The following XPR1 variants were observed in gnomAD, a reference collection of about 807,000 sequenced individuals.
XPR1 encodes the protein xenotropic and polytropic retrovirus receptor 1, also known as solute carrier family 53 member 1.
Under a neutral mutation model 87.5 loss-of-function variants are expected in XPR1, and 28 were observed. The ratio of observed to expected loss-of-function variants is 0.32; its 90% CI spans 0.24 to 0.44. The LOEUF (loss-of-function observed/expected upper bound fraction) is 0.44. XPR1 is among the 20% of genes least tolerant of loss of function. XPR1 has a pLI of 1.00. For synonymous variants in XPR1, 300 were observed against 306.1 expected, an observed-to-expected ratio of 0.98 and a Z score of 0.21; for missense variants, 559 against 862.3, an observed-to-expected ratio of 0.65 and a Z score of 4.41.
intron 11 of XPR1, among the ~76,000 whole-genome samples, chr1:180,840,244 A>G (rs1322015762): frequency 6.6e-6 from 1 of 150,900 alleles, no homozygotes; most frequent in East Asian, 2.0e-4. Context: ...AAAAAAAAAA[A>G]AAAAAAGAAG....
chr1:180,834,463 A>C (rs1014565680), intron 9 of XPR1, among the ~76,000 whole-genome samples: 1 of 152,244 alleles, frequency 6.6e-6, no homozygotes, highest in Non-Finnish European at 1.5e-5. Flanking sequence ...AAAATGTGAG[A>C]TCAAAATCTT....
chr1:180,665,358 T>C (rs1361667710), intron 1 of XPR1, among the ~76,000 whole-genome samples: 2 of 152,096 alleles, frequency 1.3e-5, no homozygotes, highest in East Asian at 3.9e-4. Context: ...AGATGAGATT[T>C]TGGGTGGGGG....
At chr1:180,659,311 G>A (rs1301556544) in intron 1 of XPR1, among the ~76,000 whole-genome samples, 1 of 130,146 alleles carries the variant, frequency 7.7e-6, no homozygotes, top group Non-Finnish European at 1.6e-5. Context: ...AGGGATATTG[G>A]CCTGTAGTCT....
chr1:180,748,400 CTTTTTTTT>C (rs71297873), intron 2 of XPR1, among the ~76,000 whole-genome samples: 11 of 29,676 alleles, frequency 3.7e-4, no homozygotes, highest in East Asian at 3.2e-3. Context: ...TTATTTATGT[CTTTTTTTT>C]TTTTTTTTTT....
chr1:180,849,361 T>C (rs1651793591), intron 11 of XPR1, among the ~76,000 whole-genome samples: 2 of 152,204 alleles, frequency 1.3e-5, no homozygotes, highest in Admixed American at 6.5e-5. Flanking sequence ...AAAAGTTATT[T>C]CCTACAAGGC....
At chr1:180,780,061 A>G (rs1648878299) in intron 2 of XPR1, among the ~76,000 whole-genome samples, 1 of 152,144 alleles carries the variant, frequency 6.6e-6, no homozygotes, top group Admixed American at 6.5e-5. Flanking sequence ...CATTTTGTTT[A>G]TCCATTTATC....
At position 180,785,011 on chromosome 1, in the gene XPR1, T is replaced by TGTGTG. The variant is rs1649083957; in HGVS notation, c.122-2742_122-2741insGTGTG. ...GTTAGTTTTTTTCGTGTGTGTGTGT[T>TGTGTG]TGTGTGTGTGTGTGTGTGTGTGTGT... On this transcript the variant is annotated intron_variant, in intron 2 of 14. Coordinates refer to ENST00000367590, the MANE Select transcript of XPR1 (RefSeq NM_004736.4). Among the ~76,000 whole-genome samples the TGTGTG allele has an allele frequency of 2.0e-4, 27 of 136,392 alleles. No individual in the cohort carries two copies. The South Asian group carries it at 2.2e-3, about 11-fold the overall frequency. 89.5% of individuals were successfully genotyped at this position (136,392 alleles called of 152,430 possible). A position where few individuals can be genotyped will look rare whatever the true frequency, so the allele number is the denominator to read the frequency against.
chr1:180,682,506 G>A, intron 2 of XPR1, 95 bp downstream of exon 2: 1 of 800,270 alleles, frequency 1.2e-6, no homozygotes, highest in Admixed American at 3.0e-5. Flanking sequence ...ATGATAACCT[G>A]TCCTATTATA....
intron 1 of XPR1, among the ~76,000 whole-genome samples, chr1:180,667,339 C>G (rs1188385780): frequency 1.3e-5 from 2 of 151,950 alleles, no homozygotes; most frequent in East Asian, 1.9e-4. Flanking sequence ...TTTATCAATT[C>G]AAGTGATCAT....
chr1:180,736,305 A>T (rs1211351270), intron 2 of XPR1, among the ~76,000 whole-genome samples: 1 of 152,176 alleles, frequency 6.6e-6, no homozygotes, highest in Non-Finnish European at 1.5e-5. Context: ...GTGAGAGGAC[A>T]TTCTCCTCAT....
chr1:180,678,457 C>T (rs1216992506), intron 1 of XPR1, among the ~76,000 whole-genome samples: 1 of 152,154 alleles, frequency 6.6e-6, no homozygotes, highest in Non-Finnish European at 1.5e-5. Context: ...GAGCTCTATG[C>T]CGGGTACTGG....
At chr1:180,828,847 T>A (rs1650955729) in intron 9 of XPR1, among the ~76,000 whole-genome samples, 1 of 152,182 alleles carries the variant, frequency 6.6e-6, no homozygotes, top group Non-Finnish European at 1.5e-5. Flanking sequence ...GCCCTATTAG[T>A]CACTTATGTT....
intron 6 of XPR1, among the ~76,000 whole-genome samples, chr1:180,810,886 T>C (rs1451801298): frequency 2.0e-5 from 3 of 151,926 alleles, no homozygotes; most frequent in Admixed American, 6.6e-5. Context: ...CAGGATCCTG[T>C]GGATAGCAAA....
chr1:180,839,919 T>A (rs1571885569), intron 11 of XPR1, among the ~76,000 whole-genome samples: 1 of 152,298 alleles, frequency 6.6e-6, no homozygotes, highest in East Asian at 1.9e-4. Context: ...AAGCGTCATC[T>A]CTGGTAAAGA....
chr1:180,879,940 T>C (rs1652795436), intron 13 of XPR1, 136 bp from the exon 14 acceptor site: 1 of 899,352 alleles, frequency 1.1e-6, no homozygotes. Context: ...ACACCATCTT[T>C]CCCTATTTTA....
intron 7 of XPR1, among the ~76,000 whole-genome samples, chr1:180,822,930 G>T (rs1411511047): frequency 1.3e-5 from 2 of 152,044 alleles, no homozygotes; most frequent in Non-Finnish European, 2.9e-5. Flanking sequence ...ACAATAAATG[G>T]TTATTTAAGT....
intron 2 of XPR1, among the ~76,000 whole-genome samples, chr1:180,718,669 ATT>A (rs34441510): frequency 5.2e-5 from 7 of 134,782 alleles, no homozygotes; most frequent in African/African-American, 5.6e-5. Context: ...GAGCATCTGT[ATT>A]TTTTTTTTTT....
At chr1:180,670,251 G>A (rs73049502) in intron 1 of XPR1, among the ~76,000 whole-genome samples, 2,555 of 152,226 alleles carry the variant, frequency 0.017, 80 homozygotes, top group African/African-American at 0.056. Flanking sequence ...GATACAAGGT[G>A]TAATTATGTC....
At position 180,767,668 on chromosome 1, in the gene XPR1, C is replaced by T. The variant is rs574295209; in HGVS notation, c.122-20085C>T. Among the ~76,000 whole-genome samples the T allele has an allele frequency of 2.0e-5, 3 of 152,178 alleles. No homozygotes were observed. In the South Asian group the frequency reaches 6.2e-4, roughly 32 times the overall value. ...GTATATAATCTGGGAAAGTATACCT[C>T]ACAAAATATTACATAAAAGGATATT... On this transcript the variant is annotated intron_variant, in intron 2 of 14. Transcript: ENST00000367590.
Sources: gnomAD v4.1 joint callset for allele counts (sites outside exome capture counted in the v4.1 genomes callset) on GRCh38, gnomAD v4.1.1 for gene constraint, MANE v1.5 for transcripts, NCBI Gene and HGNC (gene_info 2026-07-23, HGNC 2026-07-21) for gene names.